Variants in PDE4B observed in about 807,000 individuals in gnomAD.
PDE4B encodes the protein 3',5'-cyclic-AMP phosphodiesterase 4B.
Under a neutral mutation model 82.2 loss-of-function variants are expected in PDE4B, and 20 were observed. The ratio of observed to expected loss-of-function variants is 0.24; its 90% CI spans 0.17 to 0.35. PDE4B has a LOEUF of 0.35. PDE4B is among the 10% of genes least tolerant of loss of function. The pLI is 1.00. For missense variants in PDE4B, 655 were observed against 907.2 expected (o/e 0.72, Z 3.57); for synonymous variants, 320 against 318.9 (o/e 1.00, Z -0.04).
chr1:66,086,050 C>A (rs1656990209), intron 3 of PDE4B, among the ~76,000 whole-genome samples: 1 of 152,064 alleles, frequency 6.6e-6, no homozygotes, highest in Non-Finnish European at 1.5e-5. Flanking sequence ...CCTATGCAAT[C>A]CCACTGCTAA....
intron 1 of PDE4B, among the ~76,000 whole-genome samples, chr1:65,832,824 T>A (rs925982270): frequency 6.6e-6 from 1 of 152,198 alleles, no homozygotes; most frequent in Admixed American, 6.5e-5. Context: ...TTTTAAAAGA[T>A]CTGACTGAGT....
At chr1:66,043,482 A>G (rs750649121) in intron 3 of PDE4B, among the ~76,000 whole-genome samples, 8 of 151,868 alleles carry the variant, frequency 5.3e-5, no homozygotes, top group Non-Finnish European at 8.9e-5. Flanking sequence ...TTCAACTTAT[A>G]TAACTTCCAT....
chr1:65,883,291 T>A (rs1220360609), intron 1 of PDE4B, among the ~76,000 whole-genome samples: 1 of 152,204 alleles, frequency 6.6e-6, no homozygotes, highest in African/African-American at 2.4e-5. Flanking sequence ...CCCATGAGCA[T>A]GGAATGTTCT....
intron 1 of PDE4B, among the ~76,000 whole-genome samples, chr1:65,803,383 T>G (rs11208755): frequency 0.17 from 26,278 of 152,156 alleles, 3,543 homozygotes; most frequent in African/African-American, 0.38. Context: ...GTATTATTAA[T>G]GTGTAAAGAA....
At chr1:65,880,237 G>A (rs546253591) in intron 1 of PDE4B, among the ~76,000 whole-genome samples, 3 of 152,316 alleles carry the variant, frequency 2.0e-5, no homozygotes, top group Non-Finnish European at 2.9e-5. Context: ...GCTTCATGAC[G>A]AGTAAGGACT....
intron 3 of PDE4B, among the ~76,000 whole-genome samples, chr1:66,147,422 C>T (rs763556593): frequency 5.9e-5 from 9 of 152,290 alleles, no homozygotes; most frequent in Non-Finnish European, 8.8e-5. Flanking sequence ...GGAAAGGGAA[C>T]CTGAACCATG....
intron 3 of PDE4B, among the ~76,000 whole-genome samples, chr1:66,097,734 T>C (rs1449038102): frequency 6.6e-6 from 1 of 152,024 alleles, no homozygotes; most frequent in East Asian, 1.9e-4. Flanking sequence ...GATCCTTGTC[T>C]ACAAATTCTA....
intron 3 of PDE4B, among the ~76,000 whole-genome samples, chr1:65,963,590 G>T (rs1303817109): frequency 6.6e-6 from 1 of 152,178 alleles, no homozygotes; most frequent in Non-Finnish European, 1.5e-5. Flanking sequence ...ATTGTTGTCA[G>T]CTTATCATCC....
chr1:66,372,616 G>C lies in PDE4B; in HGVS notation c.2149G>C (p.Asp717His). The change falls in exon 17 of 17, where the codon GAT becomes CAT. Residue 717 changes from aspartate to histidine, a missense_variant. Asp to His is a moderately conservative substitution (Grantham distance 81). Around this residue, in one of 3 missense-constraint regions of PDE4B, gnomAD observed 119 missense variants for 115.2 expected, o/e 1.03. Coordinates refer to ENST00000341517, the MANE Select transcript of PDE4B (RefSeq NM_002600.4). ...TTGTGTGATTGATCCAGAAAACAGA[G>C]ATTCCCTGGGAGAGACTGACATAGA... ...TLCVIDPENR[D>H]SLGETDIDIA... 6.2e-7 allele frequency: 1 copy of C among 1,614,110 alleles called. No homozygotes were observed. Among genetic ancestry groups the C allele is most frequent in the Non-Finnish European group, 8.5e-7 (1 of 1,179,946 alleles).
intron 7 of PDE4B, among the ~76,000 whole-genome samples, chr1:66,288,225 G>T (rs1041090422): frequency 6.6e-6 from 1 of 151,904 alleles, no homozygotes; most frequent in Non-Finnish European, 1.5e-5. Context: ...AGAGGGCAAG[G>T]TGCCACACTT....
At chr1:66,268,667 C>CAAAAAAAA (rs36046564) in intron 7 of PDE4B, among the ~76,000 whole-genome samples, 44 of 61,154 alleles carry the variant, frequency 7.2e-4, no homozygotes, top group Middle Eastern at 0.018. Flanking sequence ...GACTCCATCT[C>CAAAAAAAA]AAAAAAAAAA....
chr1:65,976,112 G>T (rs1937434), intron 3 of PDE4B, among the ~76,000 whole-genome samples: 96,393 of 152,044 alleles, frequency 0.63, 30,659 homozygotes, highest in African/African-American at 0.65. Flanking sequence ...GCCAGCCTGT[G>T]AAAGCAGATG....
intron 1 of PDE4B, among the ~76,000 whole-genome samples, chr1:65,868,270 A>T (rs1248963970): frequency 6.6e-6 from 1 of 152,210 alleles, no homozygotes; most frequent in Non-Finnish European, 1.5e-5. Context: ...TTTATTTAAC[A>T]GTATTGATAT....
chr1:66,163,567 G>T (rs1454071634), intron 3 of PDE4B, among the ~76,000 whole-genome samples: 1 of 151,932 alleles, frequency 6.6e-6, no homozygotes, highest in Admixed American at 6.6e-5. Context: ...AATTACTCAT[G>T]TAAAGAAATT....
At chr1:66,044,197 G>A (rs1654557287) in intron 3 of PDE4B, among the ~76,000 whole-genome samples, 1 of 151,644 alleles carries the variant, frequency 6.6e-6, no homozygotes, top group Non-Finnish European at 1.5e-5. Flanking sequence ...CGAATCCTAG[G>A]TGTGTTTCTA....
intron 3 of PDE4B, among the ~76,000 whole-genome samples, chr1:66,236,579 T>C (rs1652472949): frequency 6.6e-6 from 1 of 152,170 alleles, no homozygotes; most frequent in Admixed American, 6.5e-5. Flanking sequence ...GATGAAAATC[T>C]TTTTACTAGT....
intron 3 of PDE4B, among the ~76,000 whole-genome samples, chr1:66,093,231 G>A (rs1327858801): frequency 6.6e-6 from 1 of 151,946 alleles, no homozygotes; most frequent in Admixed American, 6.6e-5. Context: ...CTCAGAGCAG[G>A]CAAAAAGCAT....
intron 3 of PDE4B, among the ~76,000 whole-genome samples, chr1:65,928,049 C>G (rs2997084): frequency 0.42 from 63,826 of 151,954 alleles, 13,566 homozygotes; most frequent in South Asian, 0.56. Flanking sequence ...CCAGTGTCCA[C>G]TAGTTCCTTA....
intron 3 of PDE4B, among the ~76,000 whole-genome samples, chr1:65,965,938 A>G (rs1403450813): frequency 6.6e-6 from 1 of 152,196 alleles, no homozygotes; most frequent in Admixed American, 6.5e-5. Context: ...CACATCCAGT[A>G]TCATACTGAA....
Sources: allele counts gnomAD v4.1 joint callset (sites outside exome capture counted in the v4.1 genomes callset), GRCh38; gene constraint gnomAD v4.1.1; regional missense constraint gnomAD v4.1.1; transcripts MANE v1.5; gene names NCBI Gene and HGNC (gene_info 2026-07-23, HGNC 2026-07-21).